The following DOCK8 variants were observed in gnomAD, a reference collection of about 807,000 sequenced individuals.
The protein encoded by DOCK8 is dedicator of cytokinesis 8.
A neutral mutation model predicts 245.6 loss-of-function variants in DOCK8; 141 were observed. That is an observed-to-expected ratio of 0.57 (90% CI 0.50 to 0.66). The LOEUF is 0.66. DOCK8 is among the 30% of genes least tolerant of loss of function. DOCK8 has a pLI of 0.00. For missense variants in DOCK8, 2,965 were observed against 2,603.4 expected, an observed-to-expected ratio of 1.14 and a Z score of -3.02; for synonymous variants, 1,168 against 970.2, an observed-to-expected ratio of 1.20 and a Z score of -3.79.
chr9:369,178 A>C (rs2053169006), intron 15 of DOCK8: 1 of 152,254 alleles, frequency 6.6e-6, no homozygotes, highest in Non-Finnish European at 1.5e-5. Context: ...AAAAGAAAAA[A>C]AAAAACCTTT....
intron 1 of DOCK8, among the ~76,000 whole-genome samples, chr9:217,408 C>A (rs1170733232): frequency 6.6e-6 from 1 of 152,136 alleles, no homozygotes; most frequent in East Asian, 1.9e-4. Context: ...TGTTTCTCCG[C>A]CTGTGCCTTC....
intron 1 of DOCK8, among the ~76,000 whole-genome samples, chr9:224,013 A>G (rs932950628): frequency 8.5e-5 from 13 of 152,198 alleles, no homozygotes; most frequent in Admixed American, 1.3e-4. Flanking sequence ...AAGATAACAT[A>G]TAGCCGTGAA....
chr9:323,364 C>G (rs993607871), intron 7 of DOCK8, among the ~76,000 whole-genome samples: 40 of 151,376 alleles, frequency 2.6e-4, no homozygotes, highest in Admixed American at 4.0e-4. Flanking sequence ...GCTGGGATTA[C>G]AGGCACTTGC....
intron 1 of DOCK8, among the ~76,000 whole-genome samples, chr9:237,693 A>T (rs2047287466): frequency 6.6e-6 from 1 of 152,164 alleles, no homozygotes; most frequent in African/African-American, 2.4e-5. Flanking sequence ...ATTGCAGGCA[A>T]GGCCACAGGA....
At chr9:400,036 A>ATCACCT (rs2054707636) in intron 26 of DOCK8, among the ~76,000 whole-genome samples, 1 of 128,362 alleles carries the variant, frequency 7.8e-6, no homozygotes, top group African/African-American at 3.6e-5. Context: ...CACCATCACC[A>ATCACCT]CCACCACCTC....
intron 14 of DOCK8, among the ~76,000 whole-genome samples, chr9:356,261 G>A (rs559469899): frequency 3.9e-4 from 60 of 152,252 alleles, no homozygotes; most frequent in African/African-American, 1.4e-3. Context: ...GGGCGTGGTG[G>A]CTCACGCCTG....
intron 5 of DOCK8, among the ~76,000 whole-genome samples, chr9:307,342 T>TG (rs2049887596): frequency 7.2e-4 from 5 of 6,912 alleles, no homozygotes; most frequent in African/African-American, 3.0e-3. Context: ...TTTTTTGTTT[T>TG]TTTTTTTTTT....
In DOCK8 at chr9:368,071, C is replaced by T; in HGVS notation, c.1733C>T (p.Ser578Leu). 1.9e-6 allele frequency: 3 copies of T among 1,614,196 alleles called. No homozygotes were observed. The highest frequency in any genetic ancestry group is 1.1e-5 in the South Asian group (1 of 91,080). Residue 578 changes from serine to leucine, a missense_variant, in exon 15 of 48, where the codon TCA becomes TTA. By Grantham distance (145) the Ser-to-Leu change is moderately radical (BLOSUM62 -2). Coordinates refer to ENST00000432829, the MANE Select transcript of DOCK8 (RefSeq NM_203447.4). ...QRLNFVNKLASARNITIKIQF... is the reference protein window; with the variant it reads ...QRLNFVNKLALARNITIKIQF... ...CTGAACTTTGTAAACAAACTAGCAT[C>T]AGCCCGGAACATTACAATAAAGATC...
chr9:333,340 A>G (rs56868709), intron 10 of DOCK8, among the ~76,000 whole-genome samples: 3,604 of 152,282 alleles, frequency 0.024, 112 homozygotes, highest in African/African-American at 0.069. Flanking sequence ...GGTGGCTCAC[A>G]CCTGTAATCC....
upstream of DOCK8, among the ~76,000 whole-genome samples, chr9:211,853 T>A (rs1049603286): frequency 6.6e-6 from 1 of 152,148 alleles, no homozygotes; most frequent in Non-Finnish European, 1.5e-5. Context: ...ACTCCAAAGT[T>A]TTAAACCTGG....
intron 2 of DOCK8, among the ~76,000 whole-genome samples, chr9:275,369 A>G (rs922348200): frequency 4.6e-5 from 7 of 152,158 alleles, no homozygotes; most frequent in East Asian, 1.9e-4. Flanking sequence ...AGAGAAAAGG[A>G]TACATGATGT....
chr9:297,000 A>C (rs1387137998), intron 4 of DOCK8, among the ~76,000 whole-genome samples: 1 of 152,106 alleles, frequency 6.6e-6, no homozygotes, highest in Non-Finnish European at 1.5e-5. Flanking sequence ...TTGGGCTTCA[A>C]CTTCCTATTC....
intron 4 of DOCK8, among the ~76,000 whole-genome samples, chr9:303,277 A>G (rs150204369): frequency 7.5e-4 from 115 of 152,330 alleles, no homozygotes; most frequent in African/African-American, 2.7e-3. Context: ...CAGCAATCCC[A>G]CTACTGGGTC....
At chr9:219,834 C>G (rs1301592524) in intron 1 of DOCK8, among the ~76,000 whole-genome samples, 1 of 152,104 alleles carries the variant, frequency 6.6e-6, no homozygotes, top group African/African-American at 2.4e-5. Flanking sequence ...GAAGTTGAAG[C>G]TGCTGTGAGC....
intron 2 of DOCK8, among the ~76,000 whole-genome samples, chr9:282,328 A>T (rs2048622295): frequency 6.6e-6 from 1 of 152,116 alleles, no homozygotes; most frequent in South Asian, 2.1e-4. Flanking sequence ...TCCTGTAGAT[A>T]ACAGGGGCCG....
intron 14 of DOCK8, among the ~76,000 whole-genome samples, chr9:357,040 G>A (rs1427081947): frequency 6.6e-6 from 1 of 152,090 alleles, no homozygotes; most frequent in East Asian, 1.9e-4. Flanking sequence ...TTTCCCTTTG[G>A]GTCTTTGCTA....
At chr9:215,783 T>G in intron 1 of DOCK8, 1 of 188,476 alleles carries the variant, frequency 5.3e-6, no homozygotes. Context: ...CTCAAAGTTC[T>G]CAGTAAAGGT....
At chr9:283,691 A>G (rs2048692349) in intron 2 of DOCK8, among the ~76,000 whole-genome samples, 1 of 152,192 alleles carries the variant, frequency 6.6e-6, no homozygotes, top group Non-Finnish European at 1.5e-5. Context: ...AATGGCCTCC[A>G]GTTCCATCCA....
rs111254583 is a variant in DOCK8 at position 393,759 on chromosome 9, A to C, written c.2971-3026A>C. Among the ~76,000 whole-genome samples the C allele has an allele frequency of 4.6e-3, 698 of 152,298 alleles. 6 individuals are homozygous for C. The highest frequency in any genetic ancestry group is 0.016 in the African/African-American group (680 of 41,552). ...TGTCAACATGCAGATCACCCAAGAC[A>C]CCAGTTCTACCAGCAGCCTAAAACC... On this transcript the variant is annotated intron_variant, in intron 24 of 47. Transcript: ENST00000432829.
Sources: gnomAD v4.1 joint callset for allele counts (sites outside exome capture counted in the v4.1 genomes callset) on GRCh38, gnomAD v4.1.1 for gene constraint, MANE v1.5 for transcripts, NCBI Gene and HGNC (gene_info 2026-07-23, HGNC 2026-07-21) for gene names.